HEATR5B: variants seen among roughly 807,000 people sequenced by gnomAD.
HEATR5B encodes the protein HEAT repeat-containing protein 5B.
HEATR5B carries 156 observed loss-of-function variants against 224.1 expected under a neutral mutation model. That is an observed-to-expected ratio of 0.70 (90% confidence interval 0.61 to 0.80). HEATR5B has a LOEUF of 0.80. Among genes scored for constraint, HEATR5B ranks in the 30% least tolerant of loss-of-function variants. The pLI is 0.00. For missense variants in HEATR5B, 2,323 were observed against 2,535.5 expected (o/e 0.92, Z 1.80); for synonymous variants, 1,027 against 893.0 (o/e 1.15, Z -2.68).
At position 37,046,668 on chromosome 2, in the gene HEATR5B, A is replaced by G. The variant is rs546954674; in HGVS notation, c.2696+2985T>C. 4.0e-5 allele frequency among the ~76,000 whole-genome samples: 6 copies of G among 151,080 alleles called. 1 individual carries two copies. Among genetic ancestry groups the G allele is most frequent in the Admixed American group, 4.0e-4 (6 of 15,134 alleles). ...AAAAAAAAAAAAAAAATATTGAGAGACGAATAATCATCCCCAAGACTCTAG... is the reference window on the plus strand; with the variant it reads ...AAAAAAAAAAAAAAAATATTGAGAGGCGAATAATCATCCCCAAGACTCTAG... On this transcript the variant is annotated intron_variant, in intron 18 of 35. Transcript: ENST00000233099.
Position 37,002,508 on chromosome 2 carries a change from G to A in HEATR5B, c.5115C>T (p.Leu1705=), listed in dbSNP as rs1273337142. The A allele has an allele frequency of 1.2e-6, 2 of 1,614,056 alleles. No homozygotes were observed. The highest frequency in any genetic ancestry group is 8.5e-7 in the Non-Finnish European group (1 of 1,180,004). ...CAAACACAAGAGATTTTCCAGGAAT[G>A]AGACCACCGCTGTCACCTCCTTCTC... is the stretch of plus-strand genomic sequence containing the variant. The part of the protein sequence containing the change: ...VLGEGGDSGG[L]IPGKSLVFAT... Residue 1705 remains leucine, a synonymous_variant, in exon 32 of 36, where the codon CTC becomes CTT. Transcript: ENST00000233099.
intron 21 of HEATR5B, among the ~76,000 whole-genome samples, chr2:37,035,848 C>T (rs1669442856): frequency 6.6e-6 from 1 of 152,158 alleles, no homozygotes; most frequent in South Asian, 2.1e-4. Flanking sequence ...ATAAAACTAA[C>T]TATCCATGTG....
intron 9 of HEATR5B, 56 bp from the exon 10 acceptor site, chr2:37,065,046 A>C: frequency 1.3e-6 from 2 of 1,519,938 alleles, no homozygotes; most frequent in South Asian, 2.3e-5. Context: ...GATTTCAGAA[A>C]CTCAAATACT....
At chr2:37,007,420 T>G (rs750874930) in intron 28 of HEATR5B, 116 bp from the exon 29 acceptor site, 40 of 1,099,756 alleles carry the variant, frequency 3.6e-5, no homozygotes, top group Non-Finnish European at 5.0e-5. Flanking sequence ...CTTGGCTCAC[T>G]GCAACCTCCT....
intron 26 of HEATR5B, among the ~76,000 whole-genome samples, chr2:37,014,249 C>T (rs1351096241): frequency 3.9e-5 from 6 of 152,052 alleles, no homozygotes; most frequent in Non-Finnish European, 7.4e-5. Flanking sequence ...GCAAGCTCCA[C>T]CTCCTGGGTT....
intron 26 of HEATR5B, among the ~76,000 whole-genome samples, chr2:37,014,686 A>C (rs1572807080): frequency 1.3e-5 from 2 of 151,598 alleles, no homozygotes; most frequent in East Asian, 1.9e-4. Flanking sequence ...CTTTAAAAAA[A>C]AAAAAAAAGA....
At chr2:37,047,058 A>AAAAAAAC in intron 18 of HEATR5B, among the ~76,000 whole-genome samples, 1 of 150,212 alleles carries the variant, frequency 6.7e-6, no homozygotes, top group African/African-American at 2.4e-5. Context: ...AAAAAAAAAA[A>AAAAAAAC]AGAAGCTGGG....
chr2:37,081,618 G>C (rs1558389054), intron 2 of HEATR5B, among the ~76,000 whole-genome samples: 1 of 152,122 alleles, frequency 6.6e-6, no homozygotes, highest in Non-Finnish European at 1.5e-5. Flanking sequence ...TAGAGGGAAT[G>C]GTTGAGAGTC....
intron 26 of HEATR5B, among the ~76,000 whole-genome samples, chr2:37,018,894 G>A (rs967925673): frequency 1.3e-5 from 2 of 152,144 alleles, no homozygotes; most frequent in Non-Finnish European, 2.9e-5. Flanking sequence ...GGGTGTGGTG[G>A]CACATCCCTG....
chr2:37,000,622 T>C lies in HEATR5B; in HGVS notation c.5509A>G (p.Ser1837Gly). Reference sequence around the variant, plus strand: ...TATTCCAGGATGCAAGCAAGCGTGCTACGAATCAGAGCTGTCCACTGTTTT... The same window carrying C: ...TATTCCAGGATGCAAGCAAGCGTGCCACGAATCAGAGCTGTCCACTGTTTT... ...VQKQWTALIR[S>G]TLACILEYSQ... The change falls in exon 33 of 36, where the codon AGC becomes GGC. Residue 1837 changes from serine (S) to glycine (G), a missense_variant. Around this residue, in one of 12 missense-constraint regions of HEATR5B, gnomAD observed 844 missense variants for 812.9 expected, o/e 1.04. Coordinates refer to ENST00000233099, the MANE Select transcript of HEATR5B (RefSeq NM_019024.3). 3 of 1,614,238 alleles carry C rather than the reference T, an allele frequency of 1.9e-6. No individual in the cohort carries two copies. Among genetic ancestry groups the C allele is most frequent in the Non-Finnish European group, 2.5e-6 (3 of 1,180,038 alleles).
rs1553411544 is a variant in HEATR5B, at chr2:36,984,237, T to TAA, written c.5912-2445_5912-2444dup. On this transcript the variant is annotated intron_variant, in intron 35 of 35. Coordinates refer to ENST00000233099, the MANE Select transcript of HEATR5B (RefSeq NM_019024.3). ...AAAAATATATATATATATATATATATAAAACTGGAAAAAATATAAGTTATT... is the reference window on the plus strand; with the variant it reads ...AAAAATATATATATATATATATATATAAAAAACTGGAAAAAATATAAGTTATT... Among the ~76,000 whole-genome samples, 593 of 110,890 alleles carry TAA rather than the reference T, an allele frequency of 5.3e-3. 1 individual carries two copies. The highest frequency in any genetic ancestry group is 8.8e-3 in the Non-Finnish European group (464 of 52,662). The allele number at this position is 110,890 out of a possible 152,430, so 72.7% of individuals were successfully genotyped here. A position where few individuals can be genotyped will look rare whatever the true frequency, so the allele number is the denominator to read the frequency against.
At chr2:37,044,581 T>C (rs938526232) in intron 18 of HEATR5B, among the ~76,000 whole-genome samples, 42 of 152,346 alleles carry the variant, frequency 2.8e-4, no homozygotes, top group African/African-American at 1.0e-3. Flanking sequence ...TGAGTACAAG[T>C]GTTTGTATGC....
chr2:37,020,786 C>G lies in HEATR5B; in HGVS notation c.3904G>C (p.Ala1302Pro). 6.2e-7 allele frequency: 1 copy of G among 1,600,396 alleles called. No homozygotes were observed. Among genetic ancestry groups the G allele is most frequent in the Non-Finnish European group, 8.5e-7 (1 of 1,176,970 alleles). Residue 1302 changes from alanine (A) to proline (P), a missense_variant, in exon 25 of 36, where the codon GCT (alanine) becomes CCT (proline). This residue lies in a region of HEATR5B where 339 missense variants were observed against 378.4 expected (regional missense o/e 0.90). Coordinates refer to ENST00000233099, the MANE Select transcript of HEATR5B (RefSeq NM_019024.3). Reference protein sequence around the residue: ...LSDLIRMAFMAATDHSNQLRM... With the variant: ...LSDLIRMAFMPATDHSNQLRM... ...AGCTGGTTGCTATGATCAGTTGCAG[C>G]CATGAATGCCATGCGAATGAGGTCA...
intron 17 of HEATR5B, among the ~76,000 whole-genome samples, chr2:37,050,762 G>A (rs1458593200): frequency 4.6e-5 from 7 of 152,098 alleles, no homozygotes; most frequent in Non-Finnish European, 1.0e-4. Flanking sequence ...AAAATGAGGC[G>A]AGGCGCGGTG....
At position 37,002,496 on chromosome 2, in the gene HEATR5B, T is replaced by A. The variant is rs1558714035; in HGVS notation, c.5127A>T (p.Lys1709Asn). 1 of 1,614,164 alleles carries A rather than the reference T, an allele frequency of 6.2e-7. No individual in the cohort carries two copies. The highest frequency in any genetic ancestry group is 2.2e-5 in the East Asian group (1 of 44,884). Residue 1709 changes from lysine to asparagine, a missense_variant, in exon 32 of 36, where the codon AAA (lysine) becomes AAT (asparagine). This residue lies in a region of HEATR5B where 844 missense variants were observed against 812.9 expected (regional missense o/e 1.04). Transcript: ENST00000233099. ...GCTCCATAGTTGCAAACACAAGAGA[T>A]TTTCCAGGAATGAGACCACCGCTGT... is the stretch of plus-strand genomic sequence containing the variant. ...GGDSGGLIPG[K>N]SLVFATMELL...
At chr2:36,982,299 G>C (rs1216348620) in intron 35 of HEATR5B, among the ~76,000 whole-genome samples, 1 of 151,954 alleles carries the variant, frequency 6.6e-6, no homozygotes, top group Non-Finnish European at 1.5e-5. Context: ...TCAAAACTAA[G>C]GGAATACATA....
At chr2:36,996,064 C>CTT (rs371199948) in intron 33 of HEATR5B, among the ~76,000 whole-genome samples, 27,330 of 137,294 alleles carry the variant, frequency 0.2, 3,119 homozygotes, top group East Asian at 0.53. Context: ...TAATGCAATT[C>CTT]TTTTTTTTTT....
intron 13 of HEATR5B, 26 bp downstream of exon 13, chr2:37,058,862 T>C (rs1408878469): frequency 7.4e-7 from 1 of 1,354,452 alleles, no homozygotes; most frequent in African/African-American, 1.4e-5. Flanking sequence ...AAATAGGATG[T>C]GAACTTGTCT....
rs1667031992 is a variant in HEATR5B, at chr2:37,000,676, A to T, written c.5455T>A (p.Ser1819Thr). 1.9e-6 allele frequency: 3 copies of T among 1,614,176 alleles called. 1 individual carries two copies. The highest frequency in any genetic ancestry group is 2.5e-6 in the Non-Finnish European group (3 of 1,180,040). ...LQGIKSIVTL[S>T]MAKTEAGVQK... Reference sequence around the variant, plus strand: ...ACGCCAGCCTCAGTTTTGGCCATTGAAAGTGTCACAATACTTTTAATCCCT... The same window carrying T: ...ACGCCAGCCTCAGTTTTGGCCATTGTAAGTGTCACAATACTTTTAATCCCT... The change falls in exon 33 of 36, where the codon TCA becomes ACA. Residue 1819 changes from serine to threonine, a missense_variant. Physicochemically the swap from Ser to Thr is moderately conservative, Grantham distance 58. This residue lies in a region of HEATR5B where 844 missense variants were observed against 812.9 expected (regional missense o/e 1.04). Coordinates refer to ENST00000233099, the MANE Select transcript of HEATR5B (RefSeq NM_019024.3).
Sources: gnomAD v4.1 joint callset for allele counts (sites outside exome capture counted in the v4.1 genomes callset) on GRCh38, gnomAD v4.1.1 for gene constraint, gnomAD v4.1.1 regional missense constraint, MANE v1.5 for transcripts, NCBI Gene and HGNC (gene_info 2026-07-23, HGNC 2026-07-21) for gene names.